The following KDM4C variants were observed in gnomAD, a reference collection of about 807,000 sequenced individuals.
KDM4C encodes the protein lysine-specific demethylase 4C.
Under a neutral mutation model 129.3 loss-of-function variants are expected in KDM4C, and 81 were observed. The ratio of observed to expected loss-of-function variants is 0.63; its 90% CI spans 0.52 to 0.75. KDM4C has a LOEUF of 0.75. Ranked by LOEUF, KDM4C falls within the 30% of genes least tolerant of loss-of-function variation. KDM4C has a pLI of 0.00. For missense variants in KDM4C, 1,457 were observed against 1,304.0 expected (o/e 1.12, Z -1.81); for synonymous variants, 573 against 456.1 (o/e 1.26, Z -3.26).
chr9:6,757,554 C>G (rs1588077236), upstream of KDM4C: 1 of 874,670 alleles, frequency 1.1e-6, no homozygotes, highest in African/African-American at 1.8e-5. Flanking sequence ...CGGAGAGCTG[C>G]GAGCCCCGAC....
At chr9:6,917,484 T>C (rs1017728825) in intron 8 of KDM4C, among the ~76,000 whole-genome samples, 2 of 152,208 alleles carry the variant, frequency 1.3e-5, no homozygotes, top group Non-Finnish European at 2.9e-5. Flanking sequence ...TTCACTTTGT[T>C]ATACTCATCT....
intron 8 of KDM4C, among the ~76,000 whole-genome samples, chr9:6,939,279 G>A (rs1222404520): frequency 6.6e-6 from 1 of 152,058 alleles, no homozygotes; most frequent in Non-Finnish European, 1.5e-5. Flanking sequence ...GCACATGGGA[G>A]GGATCTAGGT....
chr9:7,091,411 C>G (rs1265751802), intron 17 of KDM4C, among the ~76,000 whole-genome samples: 3 of 151,926 alleles, frequency 2.0e-5, no homozygotes, highest in African/African-American at 7.3e-5. Context: ...TTTTTTTTCA[C>G]TAAAACACTT....
chr9:6,994,966 A>C (rs933555782), intron 12 of KDM4C, among the ~76,000 whole-genome samples: 2 of 152,118 alleles, frequency 1.3e-5, no homozygotes, highest in Middle Eastern at 3.2e-3. Context: ...TGGAGCTGTG[A>C]CATTACGTTG....
chr9:6,805,067 A>G (rs1421137205), intron 2 of KDM4C, among the ~76,000 whole-genome samples: 5 of 151,848 alleles, frequency 3.3e-5, no homozygotes, highest in Non-Finnish European at 2.9e-5. Flanking sequence ...CGCCCGGCTA[A>G]TTTTTGTATT....
At chr9:6,867,634 G>T (rs989094149) in intron 5 of KDM4C, among the ~76,000 whole-genome samples, 2 of 152,110 alleles carry the variant, frequency 1.3e-5, no homozygotes, top group African/African-American at 2.4e-5. Context: ...GCTTGATGCT[G>T]TTACAAAACA....
chr9:6,823,565 A>G (rs1445318236), intron 4 of KDM4C, among the ~76,000 whole-genome samples: 1 of 152,096 alleles, frequency 6.6e-6, no homozygotes, highest in Non-Finnish European at 1.5e-5. Flanking sequence ...ACCATTTTGC[A>G]CTTGCTTTGA....
intron 19 of KDM4C, among the ~76,000 whole-genome samples, chr9:7,149,468 C>T (rs571467650): frequency 2.6e-5 from 4 of 152,358 alleles, no homozygotes; most frequent in African/African-American, 9.6e-5. Context: ...AGCATGGGCT[C>T]CCGCCCTGCC....
chr9:6,853,559 A>C (rs1388341696), intron 5 of KDM4C, among the ~76,000 whole-genome samples: 1 of 152,214 alleles, frequency 6.6e-6, no homozygotes, highest in Non-Finnish European at 1.5e-5. Context: ...AAGTTTCCTG[A>C]GTTGCTATAC....
At chr9:6,765,773 C>G (rs1388545810) in intron 1 of KDM4C, among the ~76,000 whole-genome samples, 1 of 152,146 alleles carries the variant, frequency 6.6e-6, no homozygotes, top group Non-Finnish European at 1.5e-5. Flanking sequence ...ATCAACTATG[C>G]TGTACTCTAT....
chr9:7,062,421 T>G (rs916491093), intron 17 of KDM4C, among the ~76,000 whole-genome samples: 5 of 152,298 alleles, frequency 3.3e-5, no homozygotes, highest in Non-Finnish European at 5.9e-5. Context: ...AGGGCCTTGC[T>G]CTGTTGCCCA....
chr9:7,006,087 CTG>C (rs1821616179), intron 12 of KDM4C, among the ~76,000 whole-genome samples: 1 of 152,180 alleles, frequency 6.6e-6, no homozygotes, highest in Admixed American at 6.5e-5. Flanking sequence ...GAAATAAACA[CTG>C]TATGTTTACA....
At chr9:7,075,883 T>C (rs1290931551) in intron 17 of KDM4C, among the ~76,000 whole-genome samples, 2 of 152,062 alleles carry the variant, frequency 1.3e-5, no homozygotes, top group South Asian at 2.1e-4. Context: ...TGTGATCCAT[T>C]CTGAGGATTT....
At chr9:7,151,545 C>T (rs931814259) in intron 19 of KDM4C, among the ~76,000 whole-genome samples, 1 of 152,092 alleles carries the variant, frequency 6.6e-6, no homozygotes, top group African/African-American at 2.4e-5. Context: ...CATGGTGGCA[C>T]GCACCTGTAT....
chr9:6,894,997 G>A (rs1439969686), intron 8 of KDM4C, among the ~76,000 whole-genome samples: 6 of 152,146 alleles, frequency 3.9e-5, no homozygotes. Flanking sequence ...GTTTTGTTTG[G>A]TTCTGGGTAC....
chr9:6,771,080 CTT>C lies in KDM4C; in HGVS notation c.-18+12905_-18+12906del, dbSNP rs35945405. Among the ~76,000 whole-genome samples the C allele has an allele frequency of 7.7e-3, 436 of 56,928 alleles. 7 individuals carry two copies. Among genetic ancestry groups the C allele is most frequent in the Non-Finnish European group, 0.012 (373 of 32,018 alleles). 37.3% of individuals were successfully genotyped at this position (56,928 alleles called of 152,430 possible). Reference sequence around the variant, plus strand: ...TGAGCCACTGCGCCCGACTGTGAATCTTTTTTTTTTTTTTTTTTTTTTTTTTT... The same window carrying C: ...TGAGCCACTGCGCCCGACTGTGAATCTTTTTTTTTTTTTTTTTTTTTTTTT... On this transcript the variant is annotated intron_variant, in intron 1 of 21. Coordinates refer to ENST00000381309, the MANE Select transcript of KDM4C (RefSeq NM_015061.6).
At chr9:7,094,041 T>C (rs1451597716) in intron 17 of KDM4C, among the ~76,000 whole-genome samples, 2 of 152,250 alleles carry the variant, frequency 1.3e-5, no homozygotes, top group Non-Finnish European at 2.9e-5. Context: ...ACGTATGCTA[T>C]CTTTTTAAGG....
intron 4 of KDM4C, among the ~76,000 whole-genome samples, chr9:6,825,031 A>C (rs1413286965): frequency 3.3e-5 from 5 of 151,982 alleles, no homozygotes; most frequent in African/African-American, 1.2e-4. Context: ...CTGTAGTCCC[A>C]GCTACCCGAG....
chr9:6,969,412 G>GT lies in KDM4C; in HGVS notation c.922-11505dup, dbSNP rs909828854. 9.7e-4 allele frequency among the ~76,000 whole-genome samples: 148 copies of GT among 151,960 alleles called. 1 individual carries two copies. Among genetic ancestry groups the GT allele is most frequent in the African/African-American group, 3.4e-3 (140 of 41,452 alleles). ...CAAGCCTCCACATTAAGAACATAGG[G>GT]TTTTTTTTATCTGCTGATAGGCTTG... On this transcript the variant is annotated intron_variant, in intron 8 of 21. Coordinates refer to ENST00000381309, the MANE Select transcript of KDM4C (RefSeq NM_015061.6).
Sources: gnomAD v4.1 joint callset for allele counts (sites outside exome capture counted in the v4.1 genomes callset) on GRCh38, gnomAD v4.1.1 for gene constraint, MANE v1.5 for transcripts, NCBI Gene and HGNC (gene_info 2026-07-23, HGNC 2026-07-21) for gene names.